Variants in GTF2H5 observed in about 807,000 individuals in gnomAD.
GTF2H5 encodes the protein general transcription factor IIH subunit 5.
A neutral mutation model predicts 7.1 loss-of-function variants in GTF2H5; 5 were observed. The observed-to-expected ratio is 0.71, with a 90% CI of 0.37 to 1.49. The LOEUF (loss-of-function observed/expected upper bound fraction) is 1.49, where lower values mean the gene tolerates loss of function less well. Among genes scored for constraint, GTF2H5 ranks in the 40% most tolerant of loss-of-function variants. The pLI, the probability that GTF2H5 is intolerant of heterozygous loss-of-function variation, is 0.03. For synonymous variants in GTF2H5, 30 were observed against 31.7 expected, an observed-to-expected ratio of 0.95 and a Z score of 0.18; for missense variants, 80 against 83.0, an observed-to-expected ratio of 0.96 and a Z score of 0.14.
Position 158,175,044 on chromosome 6 carries a change from G to GTGTGTGTGTA in GTF2H5, c.35+4507_35+4508insGTGTGTGTAT. 1.3e-3 allele frequency among the ~76,000 whole-genome samples: 179 copies of GTGTGTGTGTA among 142,838 alleles called. 2 individuals carry two copies. Among genetic ancestry groups the GTGTGTGTGTA allele is most frequent in the African/African-American group, 4.6e-3 (172 of 37,592 alleles). 93.7% of individuals were successfully genotyped at this position (142,838 alleles called of 152,430 possible). On this transcript the variant is annotated intron_variant, in intron 2 of 2. Transcript: ENST00000607778. ...TGTGTGTGTGTGTGTGTGTGTGTGT[G>GTGTGTGTGTA]TATACACACACACACACATACACAT...
At chr6:158,173,946 C>T (rs1471181708) in intron 2 of GTF2H5, among the ~76,000 whole-genome samples, 3 of 152,102 alleles carry the variant, frequency 2.0e-5, no homozygotes, top group African/African-American at 4.8e-5. Context: ...CCAGACCATA[C>T]GGGGTAACTT....
chr6:158,168,866 G>C (rs1366887275), intron 1 of GTF2H5, among the ~76,000 whole-genome samples: 1 of 152,204 alleles, frequency 6.6e-6, no homozygotes, highest in Non-Finnish European at 1.5e-5. Context: ...GGGAGGCCGA[G>C]GCGGGCAAAT....
At chr6:158,183,746 A>T (rs1171720663) in intron 2 of GTF2H5, among the ~76,000 whole-genome samples, 2 of 152,160 alleles carry the variant, frequency 1.3e-5, no homozygotes, top group Non-Finnish European at 2.9e-5. Context: ...CTTGTTGCGA[A>T]GACAGTGGGA....
At chr6:158,188,481 C>G (rs1776965063) in intron 2 of GTF2H5, among the ~76,000 whole-genome samples, 1 of 152,190 alleles carries the variant, frequency 6.6e-6, no homozygotes, top group Admixed American at 6.5e-5. Context: ...GTTTAACCTG[C>G]TTCATCAACC....
chr6:158,178,829 CT>C (rs1785968636), intron 2 of GTF2H5, among the ~76,000 whole-genome samples: 2 of 152,294 alleles, frequency 1.3e-5, no homozygotes, highest in East Asian at 3.9e-4. Context: ...GTTTCTTTTG[CT>C]GTGCAGAAGC....
chr6:158,169,556 TTA>T (rs1252032441), intron 1 of GTF2H5, among the ~76,000 whole-genome samples: 2 of 94,204 alleles, frequency 2.1e-5, no homozygotes, highest in East Asian at 3.3e-4. Context: ...ATACTGTATA[TTA>T]TATATAATAT....
At chr6:158,185,202 T>G (rs1158802891) in intron 2 of GTF2H5, among the ~76,000 whole-genome samples, 4 of 152,028 alleles carry the variant, frequency 2.6e-5, no homozygotes, top group Non-Finnish European at 5.9e-5. Context: ...ATGTTATCTT[T>G]ACTTCAGGTA....
intron 2 of GTF2H5, among the ~76,000 whole-genome samples, chr6:158,187,835 G>C (rs1776955702): frequency 6.6e-6 from 1 of 152,010 alleles, no homozygotes; most frequent in Admixed American, 6.5e-5. Flanking sequence ...CAAAGTGCTG[G>C]GATTACAGGC....
At chr6:158,185,447 G>A (rs1178889827) in intron 2 of GTF2H5, among the ~76,000 whole-genome samples, 1 of 151,744 alleles carries the variant, frequency 6.6e-6, no homozygotes, top group African/African-American at 2.4e-5. Flanking sequence ...GGCTGAGGTG[G>A]GAGGATTACC....
At chr6:158,169,307 TATA>T (rs1230570794) in intron 1 of GTF2H5, among the ~76,000 whole-genome samples, 1 of 124,320 alleles carries the variant, frequency 8.0e-6, no homozygotes, top group Admixed American at 1.0e-4. Context: ...ATATATAATA[TATA>T]ATATGTATAT....
rs769742710 is a variant in GTF2H5, at chr6:158,192,150, A to G, written c.209A>G (p.Gln70Arg). The G allele has an allele frequency of 3.1e-6, 5 of 1,611,456 alleles. No individual in the cohort carries two copies. In the African/African-American group the frequency reaches 5.3e-5, roughly 17 times the overall value. ...GACCAAAATGCTTTTTCCCTTACCCAGAAATGAAAATACTCAATATGGACC... is the reference window on the plus strand; with the variant it reads ...GACCAAAATGCTTTTTCCCTTACCCGGAAATGAAAATACTCAATATGGACC... ...LMDQNAFSLT[Q>R]K Residue 70 changes from glutamine to arginine, a missense_variant, in exon 3 of 3, where the codon CAG becomes CGG. By Grantham distance (43) the Gln-to-Arg change is conservative. Transcript: ENST00000607778.
intron 2 of GTF2H5, among the ~76,000 whole-genome samples, chr6:158,175,047 T>C (rs991657123): frequency 3.3e-5 from 5 of 150,482 alleles, no homozygotes; most frequent in African/African-American, 7.4e-5. Context: ...TGTGTGTGTA[T>C]ACACACACAC....
At chr6:158,177,636 T>C (rs984637775) in intron 2 of GTF2H5, among the ~76,000 whole-genome samples, 1 of 152,190 alleles carries the variant, frequency 6.6e-6, no homozygotes, top group South Asian at 2.1e-4. Flanking sequence ...TTTTGTTACA[T>C]AGGTATACAT....
chr6:158,169,515 T>C (rs1279154034), intron 1 of GTF2H5, among the ~76,000 whole-genome samples: 7 of 75,754 alleles, frequency 9.2e-5, no homozygotes, highest in African/African-American at 3.7e-4. Context: ...TATTGTATAT[T>C]ATATATAATA....
chr6:158,191,906 T>C, intron 2 of GTF2H5, 71 bp from the exon 3 acceptor site: 1 of 1,224,726 alleles, frequency 8.2e-7, no homozygotes, highest in Non-Finnish European at 1.2e-6. Flanking sequence ...CATGTTCACA[T>C]TTAATTGCTC....
rs559093022 is a variant in GTF2H5 at position 158,178,269 on chromosome 6, G to A, written c.35+7731G>A. On this transcript the variant is annotated intron_variant, in intron 2 of 2. Coordinates refer to ENST00000607778, the MANE Select transcript of GTF2H5 (RefSeq NM_207118.3). The stretch of plus-strand genomic sequence containing the variant: ...TGGGAGGCCAAGACAGGCGGATCAC[G>A]AGGTCAGGAGATCGAGACCATCCTG... Among the ~76,000 whole-genome samples the A allele has an allele frequency of 9.2e-5, 14 of 152,052 alleles. No homozygotes were observed. The East Asian group carries it at 1.4e-3, about 15-fold the overall frequency.
chr6:158,172,803 A>G (rs988697378), intron 2 of GTF2H5, among the ~76,000 whole-genome samples: 3 of 152,144 alleles, frequency 2.0e-5, no homozygotes, highest in Non-Finnish European at 4.4e-5. Context: ...TCTGTTTCCA[A>G]AATAATCCTT....
intron 1 of GTF2H5, among the ~76,000 whole-genome samples, chr6:158,169,644 T>TATTATATAATATAA (rs1785776327): frequency 4.8e-5 from 2 of 41,286 alleles, no homozygotes; most frequent in African/African-American, 3.4e-4. Flanking sequence ...ATTACATATA[T>TATTATATAATATAA]TGTATATTAC....
chr6:158,187,154 C>G (rs949389513), intron 2 of GTF2H5, among the ~76,000 whole-genome samples: 4 of 152,082 alleles, frequency 2.6e-5, no homozygotes, highest in Middle Eastern at 3.4e-3. Flanking sequence ...GCCACCACGC[C>G]CGGCTAATTT....
Sources: gnomAD v4.1 joint callset for allele counts (sites outside exome capture counted in the v4.1 genomes callset) on GRCh38, gnomAD v4.1.1 for gene constraint, MANE v1.5 for transcripts, NCBI Gene and HGNC (gene_info 2026-07-23, HGNC 2026-07-21) for gene names.